The following SPMIP2 variants were observed in gnomAD, a reference collection of about 807,000 sequenced individuals.
SPMIP2 encodes sperm microtubule inner protein 2.
At chr4:158,894,985 G>A in the SPMIP2 span, among the ~76,000 whole-genome samples, 3 of 152,084 alleles carry the variant, frequency 2.0e-5, no homozygotes, top group Non-Finnish European at 4.4e-5. Context: ...AGGTATGATG[G>A]AATTACCCTT....
the SPMIP2 span, among the ~76,000 whole-genome samples, chr4:159,066,418 C>A: frequency 6.6e-6 from 1 of 151,886 alleles, no homozygotes; most frequent in South Asian, 2.1e-4. Flanking sequence ...CCTGGGCTCA[C>A]GCAAGACAGA....
the SPMIP2 span, among the ~76,000 whole-genome samples, chr4:159,065,626 G>A: frequency 6.6e-6 from 1 of 152,162 alleles, no homozygotes; most frequent in Admixed American, 6.5e-5. Flanking sequence ...GCTGAGGTGG[G>A]AGGATCTCCT....
the SPMIP2 span, among the ~76,000 whole-genome samples, chr4:158,911,948 G>C: frequency 1.3e-5 from 2 of 152,046 alleles, no homozygotes; most frequent in African/African-American, 4.8e-5. Context: ...ATTATACAAT[G>C]CATATGATAT....
the SPMIP2 span, among the ~76,000 whole-genome samples, chr4:158,908,332 C>T: frequency 6.6e-6 from 1 of 152,034 alleles, no homozygotes; most frequent in Non-Finnish European, 1.5e-5. Flanking sequence ...CCTTAAATGT[C>T]CTGCTGGACA....
chr4:159,032,221 A>G, the SPMIP2 span, among the ~76,000 whole-genome samples: 1 of 147,742 alleles, frequency 6.8e-6, no homozygotes, highest in Non-Finnish European at 1.5e-5. Flanking sequence ...GACTGTCTCA[A>G]AAAAAAAAAT....
chr4:159,037,171 C>A, the SPMIP2 span, among the ~76,000 whole-genome samples: 6 of 152,244 alleles, frequency 3.9e-5, no homozygotes, highest in South Asian at 1.2e-3. Context: ...CTGTTACAAA[C>A]TTTAATCTGT....
At chr4:159,045,254 G>C in the SPMIP2 span, among the ~76,000 whole-genome samples, 8 of 152,228 alleles carry the variant, frequency 5.3e-5, no homozygotes, top group Admixed American at 5.2e-4. Context: ...AAAATAATTT[G>C]TCTAATTACT....
At chr4:159,075,347 T>C in the SPMIP2 span, among the ~76,000 whole-genome samples, 1 of 152,254 alleles carries the variant, frequency 6.6e-6, no homozygotes, top group Non-Finnish European at 1.5e-5. Flanking sequence ...TTATCCGTGA[T>C]ATTCAAAGAT....
the SPMIP2 span, among the ~76,000 whole-genome samples, chr4:159,008,182 A>G: frequency 1.3e-5 from 2 of 152,242 alleles, no homozygotes; most frequent in African/African-American, 4.8e-5. Context: ...TTTCATATAC[A>G]TATTGATACC....
chr4:159,081,361 T>C, the SPMIP2 span, among the ~76,000 whole-genome samples: 6 of 152,074 alleles, frequency 3.9e-5, no homozygotes, highest in East Asian at 5.8e-4. Flanking sequence ...ACTAAGCATA[T>C]TGTGAGCAAT....
At chr4:158,896,997 C>A in the SPMIP2 span, among the ~76,000 whole-genome samples, 2 of 151,704 alleles carry the variant, frequency 1.3e-5, no homozygotes, top group Non-Finnish European at 1.5e-5. Context: ...CCACCCCCAG[C>A]CCCCCACCCG....
At chr4:158,952,779 T>C in the SPMIP2 span, among the ~76,000 whole-genome samples, 2 of 152,130 alleles carry the variant, frequency 1.3e-5, no homozygotes, top group African/African-American at 4.8e-5. Context: ...TGGTCTCAGA[T>C]GGATATGAGG....
the SPMIP2 span, among the ~76,000 whole-genome samples, chr4:158,950,874 C>G: frequency 8.5e-5 from 13 of 152,092 alleles, no homozygotes; most frequent in African/African-American, 1.2e-4. Flanking sequence ...GCCTGGGCAA[C>G]AGAGAGAGAC....
the SPMIP2 span, among the ~76,000 whole-genome samples, chr4:159,029,857 G>T: frequency 1.3e-5 from 2 of 152,070 alleles, no homozygotes; most frequent in African/African-American, 4.8e-5. Context: ...TAATGGACAA[G>T]TTTTTAGTAC....
At chr4:159,032,774 G>C in the SPMIP2 span, among the ~76,000 whole-genome samples, 2 of 139,582 alleles carry the variant, frequency 1.4e-5, no homozygotes, top group Non-Finnish European at 3.1e-5. Flanking sequence ...AAATCTAAAT[G>C]ACCTTTCTTT....
the SPMIP2 span, chr4:158,973,349 T>C: frequency 1.5e-6 from 2 of 1,295,592 alleles, no homozygotes; most frequent in Non-Finnish European, 2.2e-6. Context: ...TTCTCCACAC[T>C]TTATTCTAAG....
chr4:159,018,145 C>T, the SPMIP2 span, among the ~76,000 whole-genome samples: 444 of 152,264 alleles, frequency 2.9e-3, 4 homozygotes, highest in African/African-American at 0.01. Flanking sequence ...GGCCCAGAAG[C>T]CAGTGACACT....
At chr4:159,037,954 C>T in the SPMIP2 span, among the ~76,000 whole-genome samples, 39 of 151,990 alleles carry the variant, frequency 2.6e-4, no homozygotes, top group East Asian at 5.2e-3. Context: ...AATAGCATTA[C>T]GTAAAGATAT....
the SPMIP2 span, among the ~76,000 whole-genome samples, chr4:158,923,772 C>T: frequency 3.3e-5 from 5 of 152,182 alleles, no homozygotes; most frequent in African/African-American, 1.2e-4. Context: ...TGAGAACTGA[C>T]ATCCTTGTCT....
Sources: allele counts gnomAD v4.1 joint callset (sites outside exome capture counted in the v4.1 genomes callset), GRCh38; gene constraint gnomAD v4.1.1; transcripts MANE v1.5; gene names NCBI Gene and HGNC (gene_info 2026-07-23, HGNC 2026-07-21).